BCL2: variants seen among roughly 807,000 people sequenced by gnomAD.
BCL2 encodes the protein BCL2 apoptosis regulator.
In BCL2, 1 loss-of-function variant was observed where a neutral mutation model predicts 14.2. The ratio of observed to expected loss-of-function variants is 0.07; its 90% confidence interval spans 0.02 to 0.33. The LOEUF (loss-of-function observed/expected upper bound fraction) is 0.33, where lower values mean the gene tolerates loss of function less well. Among genes scored for constraint, BCL2 ranks in the 10% least tolerant of loss-of-function variants. BCL2 has a pLI of 0.99. For synonymous variants in BCL2, 151 were observed against 137.2 expected (o/e 1.10, Z -0.70); for missense variants, 247 against 305.9 (o/e 0.81, Z 1.44).
At chr18:63,311,414 C>A (rs879422285) in intron 2 of BCL2, among the ~76,000 whole-genome samples, 15 of 152,048 alleles carry the variant, frequency 9.9e-5, no homozygotes, top group African/African-American at 3.6e-4. Flanking sequence ...ACTGTCTTTT[C>A]GACAGTTAAA....
intron 2 of BCL2, among the ~76,000 whole-genome samples, chr18:63,278,005 T>C (rs1014429805): frequency 1.3e-5 from 2 of 152,152 alleles, no homozygotes; most frequent in Non-Finnish European, 2.9e-5. Flanking sequence ...TGCAACTCCA[T>C]ACCCAACAAA....
intron 2 of BCL2, among the ~76,000 whole-genome samples, chr18:63,198,321 GAC>G (rs1325310334): frequency 5.1e-5 from 6 of 117,862 alleles, no homozygotes; most frequent in East Asian, 2.5e-4. Context: ...CACTGACACA[GAC>G]ACAGAGACAC....
intron 2 of BCL2, among the ~76,000 whole-genome samples, chr18:63,170,110 C>T (rs1338912530): frequency 1.3e-5 from 2 of 152,100 alleles, no homozygotes; most frequent in African/African-American, 4.8e-5. Flanking sequence ...GCGCAAGCTG[C>T]TAAATGCCTC....
chr18:63,145,449 T>C (rs1914486728), intron 2 of BCL2, among the ~76,000 whole-genome samples: 1 of 151,252 alleles, frequency 6.6e-6, no homozygotes, highest in Admixed American at 6.6e-5. Flanking sequence ...ACCTGCTTCT[T>C]GCATGGTCTC....
At chr18:63,173,242 T>C (rs1476648176) in intron 2 of BCL2, among the ~76,000 whole-genome samples, 2 of 152,262 alleles carry the variant, frequency 1.3e-5, no homozygotes, top group Non-Finnish European at 2.9e-5. Context: ...TCAATTCTCC[T>C]TTTTGTTTTA....
intron 2 of BCL2, among the ~76,000 whole-genome samples, chr18:63,275,561 C>T (rs1204406854): frequency 9.9e-5 from 15 of 152,142 alleles, no homozygotes; most frequent in Admixed American, 8.5e-4. Context: ...CCGAGTGTCA[C>T]GAATAATGAG....
chr18:63,237,894 G>T (rs943798026), intron 2 of BCL2, among the ~76,000 whole-genome samples: 1 of 151,748 alleles, frequency 6.6e-6, no homozygotes, highest in African/African-American at 2.4e-5. Flanking sequence ...ACCCTTGGCC[G>T]CATTTCATCA....
intron 2 of BCL2, among the ~76,000 whole-genome samples, chr18:63,144,223 C>T (rs1048692934): frequency 6.6e-6 from 1 of 152,130 alleles, no homozygotes; most frequent in Non-Finnish European, 1.5e-5. Flanking sequence ...ATATCTGAAT[C>T]GAGCAATCCA....
chr18:63,307,350 G>A (rs1047938825), intron 2 of BCL2, among the ~76,000 whole-genome samples: 6 of 152,144 alleles, frequency 3.9e-5, no homozygotes, highest in African/African-American at 1.4e-4. Context: ...TACTTTCATC[G>A]GTTAATTTTT....
At chr18:63,231,045 C>G (rs1910675011) in intron 2 of BCL2, among the ~76,000 whole-genome samples, 1 of 151,752 alleles carries the variant, frequency 6.6e-6, no homozygotes, top group Non-Finnish European at 1.5e-5. Flanking sequence ...TGTGAGATGA[C>G]CCAGTAGGTT....
At chr18:63,212,143 T>A (rs956765830) in intron 2 of BCL2, among the ~76,000 whole-genome samples, 4 of 151,572 alleles carry the variant, frequency 2.6e-5, no homozygotes, top group Non-Finnish European at 4.4e-5. Context: ...CTGGCCAACA[T>A]GGTGAAACCC....
intron 2 of BCL2, among the ~76,000 whole-genome samples, chr18:63,258,180 C>G (rs1911540593): frequency 6.6e-6 from 1 of 152,148 alleles, no homozygotes; most frequent in African/African-American, 2.4e-5. Context: ...GGGGTGGATC[C>G]CCCTGAGCCT....
At chr18:63,290,502 A>C (rs1216006215) in intron 2 of BCL2, among the ~76,000 whole-genome samples, 1 of 152,230 alleles carries the variant, frequency 6.6e-6, no homozygotes, top group African/African-American at 2.4e-5. Flanking sequence ...TTTTCACAGC[A>C]AAAGAGAATT....
chr18:63,198,473 CACTG>C (rs1187914960), intron 2 of BCL2, among the ~76,000 whole-genome samples: 71 of 149,378 alleles, frequency 4.8e-4, no homozygotes, highest in Non-Finnish European at 8.5e-4. Flanking sequence ...CACAGACACA[CACTG>C]ACAGAGACAC....
chr18:63,235,320 A>G (rs1404812235), intron 2 of BCL2, among the ~76,000 whole-genome samples: 1 of 152,236 alleles, frequency 6.6e-6, no homozygotes, highest in Admixed American at 6.5e-5. Context: ...AAGAGAAACT[A>G]CCAGGCATGG....
chr18:63,216,226 T>G (rs182530788), intron 2 of BCL2, among the ~76,000 whole-genome samples: 7 of 152,102 alleles, frequency 4.6e-5, no homozygotes, highest in Admixed American at 6.6e-5. Context: ...AAAAATATTA[T>G]GTAAAAAATA....
intron 2 of BCL2, among the ~76,000 whole-genome samples, chr18:63,181,782 TC>T (rs1915486197): frequency 6.6e-6 from 1 of 152,170 alleles, no homozygotes; most frequent in African/African-American, 2.4e-5. Context: ...TAAGAGACAT[TC>T]CAGTGAACTC....
At chr18:63,302,523 ATGT>A (rs1180336782) in intron 2 of BCL2, 1 of 985,276 alleles carries the variant, frequency 1.0e-6, no homozygotes, top group African/African-American at 1.7e-5. Context: ...AAGTCATAAC[ATGT>A]TGTGCCCAGG....
chr18:63,310,127 T>A (rs1024974506), intron 2 of BCL2, among the ~76,000 whole-genome samples: 12 of 152,176 alleles, frequency 7.9e-5, no homozygotes, highest in African/African-American at 2.9e-4. Flanking sequence ...GCTCCCACAG[T>A]GCTGGGATTA....
Sources: allele counts gnomAD v4.1 joint callset (sites outside exome capture counted in the v4.1 genomes callset), GRCh38; gene constraint gnomAD v4.1.1; transcripts MANE v1.5; gene names NCBI Gene and HGNC (gene_info 2026-07-23, HGNC 2026-07-21).